DYNC2I1: variants seen among roughly 807,000 people sequenced by gnomAD.
The protein encoded by DYNC2I1 is dynein 2 intermediate chain 1.
DYNC2I1 carries 89 observed loss-of-function variants against 133.4 expected under a neutral mutation model. The observed-to-expected ratio is 0.67, with a 90% confidence interval of 0.56 to 0.80. DYNC2I1 has a LOEUF of 0.80. Ranked by LOEUF, DYNC2I1 falls within the 30% of genes least tolerant of loss-of-function variation. The probability of loss-of-function intolerance (pLI) is 0.00; values close to 1 mark genes in which losing one functional copy is unlikely to be tolerated. For synonymous variants in DYNC2I1, 504 were observed against 484.3 expected (o/e 1.04, Z -0.54); for missense variants, 1,291 against 1,314.5 (o/e 0.98, Z 0.28).
the DYNC2I1 span, among the ~76,000 whole-genome samples, chr7:158,850,364 C>A: frequency 6.6e-6 from 1 of 152,188 alleles, no homozygotes; most frequent in Non-Finnish European, 1.5e-5. Context: ...CTGGCCACTC[C>A]CAGGCAAAAG....
chr7:158,871,212 T>C lies in DYNC2I1; in HGVS notation c.140T>C (p.Met47Thr), dbSNP rs1842842531. ...REKKLRKESE[M>T]DLPEHKEPRC... ...AAGAAGCTGCGTAAGGAGTCTGAGA[T>C]GGACCTTCCTGAACATAAGGAGCCG... Residue 47 changes from methionine to threonine, a missense_variant, in exon 3 of 25, where the codon ATG becomes ACG. Physicochemically the swap from Met to Thr is moderately conservative, Grantham distance 81. Coordinates refer to ENST00000407559, the MANE Select transcript of DYNC2I1 (RefSeq NM_018051.5). The C allele has an allele frequency of 6.2e-7, 1 of 1,613,668 alleles. No individual in the cohort carries two copies. Among genetic ancestry groups the C allele is most frequent in the Non-Finnish European group, 8.5e-7 (1 of 1,179,734 alleles).
chr7:158,936,642 C>A (rs768485554), intron 23 of DYNC2I1, among the ~76,000 whole-genome samples: 1 of 152,250 alleles, frequency 6.6e-6, no homozygotes, highest in African/African-American at 2.4e-5. Flanking sequence ...GGACTACTGT[C>A]TGCAGCCCTG....
chr7:158,943,746 T>TCTTAGGGG (rs1448357589), intron 24 of DYNC2I1, among the ~76,000 whole-genome samples: 1 of 152,150 alleles, frequency 6.6e-6, no homozygotes, highest in Non-Finnish European at 1.5e-5. Context: ...TGGAGCCTTG[T>TCTTAGGGG]CTTAGGGGCA....
chr7:158,911,552 T>C lies in DYNC2I1; in HGVS notation c.1463T>C (p.Met488Thr). ...KSRTQALKQK[M>T]RSTKLLRLID... The stretch of plus-strand genomic sequence containing the variant: ...CTTGTTTCCAATTTATTTCAAAGGA[T>C]GCGAAGTACAAAACTGCTTCGGCTC... Residue 488 changes from methionine to threonine, a missense_variant and splice_region_variant, in exon 12 of 25, where the codon ATG (methionine) becomes ACG (threonine). Transcript: ENST00000407559. 6.2e-7 allele frequency: 1 copy of C among 1,612,768 alleles called. No individual in the cohort carries two copies. The highest frequency in any genetic ancestry group is 8.5e-7 in the Non-Finnish European group (1 of 1,179,574).
chr7:158,852,835 C>A (rs1841089239), upstream of DYNC2I1, among the ~76,000 whole-genome samples: 1 of 152,188 alleles, frequency 6.6e-6, no homozygotes, highest in Admixed American at 6.5e-5. Context: ...CTCTAAAAAT[C>A]CTTAGCTTAA....
At chr7:158,925,362 C>T (rs1016962009) in intron 17 of DYNC2I1, among the ~76,000 whole-genome samples, 7 of 152,030 alleles carry the variant, frequency 4.6e-5, no homozygotes, top group African/African-American at 1.4e-4. Flanking sequence ...TTCTGATTCC[C>T]GGTGTTTTTT....
intron 4 of DYNC2I1, among the ~76,000 whole-genome samples, chr7:158,954,062 C>T (rs567128967): frequency 7.2e-5 from 11 of 152,208 alleles, no homozygotes; most frequent in Admixed American, 3.3e-4. Flanking sequence ...GTGCTGTTCT[C>T]GAGATAGTGA....
chr7:158,867,455 A>G (rs1162541699), intron 1 of DYNC2I1, among the ~76,000 whole-genome samples: 5 of 152,206 alleles, frequency 3.3e-5, no homozygotes, highest in Non-Finnish European at 7.3e-5. Context: ...GGCAAAGCTC[A>G]TGCTCCCCTC....
At chr7:158,937,493 G>T (rs1850875995) in intron 23 of DYNC2I1, among the ~76,000 whole-genome samples, 2 of 152,122 alleles carry the variant, frequency 1.3e-5, no homozygotes, top group Non-Finnish European at 2.9e-5. Context: ...TGGCGTGGTG[G>T]CGGGCGCCTG....
At chr7:158,859,895 T>G (rs545321753) in intron 1 of DYNC2I1, among the ~76,000 whole-genome samples, 2 of 152,288 alleles carry the variant, frequency 1.3e-5, no homozygotes, top group Admixed American at 1.3e-4. Context: ...GGTCTTTAAC[T>G]TTTTAGGAAG....
intron 7 of DYNC2I1, among the ~76,000 whole-genome samples, chr7:158,890,196 C>T (rs905581982): frequency 1.3e-5 from 2 of 151,994 alleles, no homozygotes; most frequent in Admixed American, 1.3e-4. Flanking sequence ...ACAGAAGAAA[C>T]ATGAAATTAA....
At chr7:158,958,436 G>A (rs1231243875), downstream of DYNC2I1, among the ~76,000 whole-genome samples, 1 of 152,228 alleles carries the variant, frequency 6.6e-6, no homozygotes, top group African/African-American at 2.4e-5. Context: ...GTGTCTGCGG[G>A]AACACCGGCC....
intron 23 of DYNC2I1, among the ~76,000 whole-genome samples, chr7:158,934,842 C>A (rs959514222): frequency 9.9e-5 from 15 of 152,254 alleles, no homozygotes; most frequent in Admixed American, 2.0e-4. Flanking sequence ...CCTGTTTGGG[C>A]AGCATAACAC....
At chr7:158,894,858 T>A (rs1845618584) in intron 8 of DYNC2I1, among the ~76,000 whole-genome samples, 1 of 144,648 alleles carries the variant, frequency 6.9e-6, no homozygotes, top group South Asian at 2.2e-4. Flanking sequence ...CATTCGGTGT[T>A]GTTGGTGTTC....
downstream of DYNC2I1, among the ~76,000 whole-genome samples, chr7:158,957,742 T>C (rs1272167978): frequency 6.6e-6 from 1 of 152,152 alleles, no homozygotes; most frequent in East Asian, 1.9e-4. Flanking sequence ...GCAAATGCAC[T>C]CGGCACTCGT....
intron 4 of DYNC2I1, among the ~76,000 whole-genome samples, chr7:158,877,061 T>G (rs1843422093): frequency 1.3e-5 from 2 of 152,272 alleles, no homozygotes; most frequent in African/African-American, 4.8e-5. Context: ...TATAAGTTGT[T>G]TAAACGGAAC....
At chr7:158,956,321 C>A (rs1035054634) in intron 4 of DYNC2I1, among the ~76,000 whole-genome samples, 1 of 152,238 alleles carries the variant, frequency 6.6e-6, no homozygotes. Flanking sequence ...CTCCCTTCGT[C>A]TGGGAGCAGC....
chr7:158,943,919 G>A (rs888135696), intron 24 of DYNC2I1, among the ~76,000 whole-genome samples: 2 of 152,148 alleles, frequency 1.3e-5, no homozygotes, highest in African/African-American at 2.4e-5. Context: ...CCCGGCCCAC[G>A]TTCCTCTACT....
Position 158,861,047 on chromosome 7 carries a change from C to G in DYNC2I1, c.15+4297C>G, listed in dbSNP as rs1841830901. Among the ~76,000 whole-genome samples the G allele has an allele frequency of 3.3e-5, 5 of 152,242 alleles. No individual in the cohort carries two copies. The South Asian group carries it at 8.3e-4, about 25-fold the overall frequency. On this transcript the variant is annotated intron_variant, in intron 1 of 24. Coordinates refer to ENST00000407559, the MANE Select transcript of DYNC2I1 (RefSeq NM_018051.5). ...ACTGCTCCTCGCGGTGTAAGGCCACCTCTGGGACAACCCAGCTCAGTGTTG... is the reference window on the plus strand; with the variant it reads ...ACTGCTCCTCGCGGTGTAAGGCCACGTCTGGGACAACCCAGCTCAGTGTTG...
Sources: allele counts gnomAD v4.1 joint callset (sites outside exome capture counted in the v4.1 genomes callset), GRCh38; gene constraint gnomAD v4.1.1; transcripts MANE v1.5; gene names NCBI Gene and HGNC (gene_info 2026-07-23, HGNC 2026-07-21).